MTRF1: variants seen among roughly 807,000 people sequenced by gnomAD.
MTRF1 encodes peptide chain release factor 1, mitochondrial.
Under a neutral mutation model 62.9 loss-of-function variants are expected in MTRF1, and 51 were observed. The observed-to-expected ratio is 0.81, with a 90% confidence interval of 0.65 to 1.02. The LOEUF is 1.02. Among genes scored for constraint, MTRF1 ranks in the 50% least tolerant of loss-of-function variants. The pLI is 0.00. For missense variants in MTRF1, 446 were observed against 530.0 expected (o/e 0.84, Z 1.56); for synonymous variants, 158 against 181.9 (o/e 0.87, Z 1.06).
the MTRF1 span, among the ~76,000 whole-genome samples, chr13:41,302,656 A>G: frequency 6.6e-6 from 1 of 151,934 alleles, no homozygotes; most frequent in Non-Finnish European, 1.5e-5. Flanking sequence ...CAGCCTCCCA[A>G]GTAGCTGAGA....
rs889392416 is a variant in MTRF1, at chr13:41,216,415, C to T, written c.*700G>A. On this transcript the variant is annotated 3_prime_UTR_variant, in exon 10 of 10. Transcript: ENST00000379480. ...TTGTTTATATAGTGTGGAATTCATA[C>T]AGCAATCAAAGGGCTTTACTGTCTG... 2.7e-5 allele frequency: 4 copies of T among 150,630 alleles called. No homozygotes were observed. The highest frequency in any genetic ancestry group is 7.3e-5 in the African/African-American group (3 of 40,938). The allele number at this position is 150,630 out of a possible 1,614,324, so 9.3% of individuals were successfully genotyped here. A position where few individuals can be genotyped will look rare whatever the true frequency, so the allele number is the denominator to read the frequency against.
intron 9 of MTRF1, among the ~76,000 whole-genome samples, chr13:41,222,133 C>G (rs1486297856): frequency 6.6e-6 from 1 of 152,044 alleles, no homozygotes; most frequent in Non-Finnish European, 1.5e-5. Flanking sequence ...GTGAAAGAAG[C>G]CTTAGGTATC....
chr13:41,281,829 G>A, the MTRF1 span, among the ~76,000 whole-genome samples: 2 of 152,050 alleles, frequency 1.3e-5, no homozygotes, highest in East Asian at 1.9e-4. Flanking sequence ...GATCTTCAAC[G>A]AAGGTAAAAG....
At chr13:41,221,422 TGCG>T (rs2033341649) in intron 9 of MTRF1, among the ~76,000 whole-genome samples, 2 of 152,144 alleles carry the variant, frequency 1.3e-5, no homozygotes, top group African/African-American at 4.8e-5. Flanking sequence ...CCTCCCAAAG[TGCG>T]GGGATTACAG....
chr13:41,284,511 T>A, the MTRF1 span, among the ~76,000 whole-genome samples: 1 of 139,158 alleles, frequency 7.2e-6, no homozygotes, highest in African/African-American at 2.7e-5. Flanking sequence ...GCCACTGCAC[T>A]CCAGCCTGGG....
intron 5 of MTRF1, among the ~76,000 whole-genome samples, chr13:41,249,238 T>C (rs1431975852): frequency 1.3e-5 from 2 of 152,152 alleles, no homozygotes; most frequent in Non-Finnish European, 2.9e-5. Flanking sequence ...TAACTGCTTC[T>C]AATAAAGAAA....
the MTRF1 span, among the ~76,000 whole-genome samples, chr13:41,290,089 C>CTTTTTTTTTT: frequency 3.8e-5 from 3 of 78,514 alleles, no homozygotes; most frequent in Non-Finnish European, 4.7e-5. Context: ...TGTAATAGTT[C>CTTTTTTTTTT]TTTTTTTTTT....
chr13:41,300,995 T>C, the MTRF1 span, among the ~76,000 whole-genome samples: 1 of 152,242 alleles, frequency 6.6e-6, no homozygotes, highest in Non-Finnish European at 1.5e-5. Context: ...GAGCTATTTC[T>C]CTTTTTCTCA....
intron 7 of MTRF1, among the ~76,000 whole-genome samples, chr13:41,232,910 T>C (rs1016396910): frequency 1.3e-5 from 2 of 152,084 alleles, no homozygotes; most frequent in Non-Finnish European, 2.9e-5. Context: ...CAAAGAAAAG[T>C]AGGCAAATGA....
chr13:41,296,844 G>A, the MTRF1 span, among the ~76,000 whole-genome samples: 3 of 152,078 alleles, frequency 2.0e-5, no homozygotes, highest in South Asian at 6.2e-4. Flanking sequence ...TATTTTAAAT[G>A]CTGCACGTAA....
chr13:41,295,849 G>A, the MTRF1 span, among the ~76,000 whole-genome samples: 4 of 152,040 alleles, frequency 2.6e-5, no homozygotes, highest in Non-Finnish European at 4.4e-5. Context: ...TTGTGTGATC[G>A]TAGTTCACTA....
the MTRF1 span, among the ~76,000 whole-genome samples, chr13:41,269,998 A>G: frequency 6.6e-6 from 1 of 152,232 alleles, no homozygotes; most frequent in African/African-American, 2.4e-5. Context: ...GCCTAAAGCC[A>G]CAAGATTAGA....
the MTRF1 span, among the ~76,000 whole-genome samples, chr13:41,305,537 C>T: frequency 6.6e-6 from 1 of 152,234 alleles, no homozygotes; most frequent in Non-Finnish European, 1.5e-5. Flanking sequence ...CTGCATACCA[C>T]TTTACTTCTC....
chr13:41,306,100 C>A, the MTRF1 span, among the ~76,000 whole-genome samples: 10 of 151,908 alleles, frequency 6.6e-5, no homozygotes, highest in African/African-American at 2.4e-4. Context: ...AAAAAAGAGC[C>A]GGCTGGGCGC....
intron 9 of MTRF1, among the ~76,000 whole-genome samples, chr13:41,219,921 C>T (rs1350875510): frequency 6.8e-6 from 1 of 147,442 alleles, no homozygotes; most frequent in East Asian, 2.0e-4. Flanking sequence ...TCGCTTGAAC[C>T]CAGCAGGTGG....
rs751747663 is a variant in MTRF1, at chr13:41,253,612, G to A, written c.508-582C>T. ...ACCGACATTCCTCTTAGGAAGAAAA[G>A]GGAAGTAATTTCATTATTACTAAAA... On this transcript the variant is annotated intron_variant, in intron 3 of 9. Transcript: ENST00000379480. Among the ~76,000 whole-genome samples the A allele has an allele frequency of 1.4e-3, 209 of 152,216 alleles. 1 individual carries two copies. The highest frequency in any genetic ancestry group is 2.1e-3 in the Non-Finnish European group (143 of 68,010).
chr13:41,298,749 C>T, the MTRF1 span, among the ~76,000 whole-genome samples: 1 of 152,212 alleles, frequency 6.6e-6, no homozygotes, highest in African/African-American at 2.4e-5. Context: ...TTAAGTTCTA[C>T]TTTTGAACCA....
At chr13:41,286,981 T>C in the MTRF1 span, among the ~76,000 whole-genome samples, 1 of 152,238 alleles carries the variant, frequency 6.6e-6, no homozygotes, top group African/African-American at 2.4e-5. Flanking sequence ...TTTCCTATTT[T>C]AGAAACTACA....
At chr13:41,249,241 T>C (rs1015145774) in intron 5 of MTRF1, among the ~76,000 whole-genome samples, 1 of 152,150 alleles carries the variant, frequency 6.6e-6, no homozygotes, top group Non-Finnish European at 1.5e-5. Context: ...CTGCTTCTAA[T>C]AAAGAAATCA....
Sources: allele counts gnomAD v4.1 joint callset (sites outside exome capture counted in the v4.1 genomes callset), GRCh38; gene constraint gnomAD v4.1.1; transcripts MANE v1.5; gene names NCBI Gene and HGNC (gene_info 2026-07-23, HGNC 2026-07-21).